DPYD: variants seen among roughly 807,000 people sequenced by gnomAD.
DPYD encodes the protein dihydropyrimidine dehydrogenase, also known as dihydropyrimidine dehydrogenase [NADP(+)].
In DPYD, 109 loss-of-function variants were observed where a neutral mutation model predicts 116.2. The observed-to-expected ratio is 0.94, with a 90% CI of 0.80 to 1.10. DPYD has a LOEUF of 1.10. Among genes scored for constraint, DPYD ranks in the 50% least tolerant of loss-of-function variants. The pLI is 0.00. For synonymous variants in DPYD, 440 were observed against 432.0 expected (o/e 1.02, Z -0.23); for missense variants, 1,302 against 1,254.5 (o/e 1.04, Z -0.57).
intron 8 of DPYD, among the ~76,000 whole-genome samples, chr1:97,619,606 G>C (rs1309472769): frequency 3.3e-5 from 5 of 152,190 alleles, no homozygotes; most frequent in African/African-American, 1.2e-4. Context: ...TAATGTTAAC[G>C]ACCATTGCTT....
intron 20 of DPYD, among the ~76,000 whole-genome samples, chr1:97,170,186 C>T (rs1215446396): frequency 6.6e-6 from 1 of 152,168 alleles, no homozygotes; most frequent in Non-Finnish European, 1.5e-5. Flanking sequence ...GAACTGCATA[C>T]ATTACAATGC....
intron 8 of DPYD, among the ~76,000 whole-genome samples, chr1:97,652,469 C>T (rs1473939078): frequency 6.6e-6 from 1 of 152,130 alleles, no homozygotes; most frequent in Non-Finnish European, 1.5e-5. Flanking sequence ...AGGTATAGTG[C>T]TAATAACTTT....
chr1:97,102,391 A>G (rs1650759766), intron 20 of DPYD, among the ~76,000 whole-genome samples: 1 of 121,098 alleles, frequency 8.3e-6, no homozygotes, highest in South Asian at 2.7e-4. Flanking sequence ...TATATCACTC[A>G]GTATCATATA....
intron 15 of DPYD, among the ~76,000 whole-genome samples, chr1:97,379,388 T>C (rs1489355075): frequency 1.3e-5 from 2 of 152,320 alleles, no homozygotes; most frequent in Admixed American, 1.3e-4. Context: ...TAGTTAAACT[T>C]GGTAATGATG....
chr1:97,700,690 A>T (rs1263924786), intron 5 of DPYD, among the ~76,000 whole-genome samples: 1 of 152,084 alleles, frequency 6.6e-6, no homozygotes, highest in East Asian at 1.9e-4. Flanking sequence ...CTGCAAGAAA[A>T]ATAAACCTAA....
chr1:97,241,361 T>C (rs1390835594), intron 18 of DPYD, among the ~76,000 whole-genome samples: 8 of 152,006 alleles, frequency 5.3e-5, no homozygotes, highest in Non-Finnish European at 1.2e-4. Flanking sequence ...GGGCTTCATG[T>C]ACACTGTGTA....
chr1:97,134,034 T>A (rs1366292005), intron 20 of DPYD, among the ~76,000 whole-genome samples: 1,606 of 28,228 alleles, frequency 0.057, 224 homozygotes, highest in East Asian at 0.15. Flanking sequence ...TATATATATA[T>A]ATATATATAT....
intron 3 of DPYD, among the ~76,000 whole-genome samples, chr1:97,795,207 A>T (rs1475730215): frequency 6.6e-6 from 1 of 152,038 alleles, no homozygotes; most frequent in Non-Finnish European, 1.5e-5. Flanking sequence ...ATGAGAAAAT[A>T]ATTATTTTTA....
At chr1:97,236,739 C>T (rs72726647) in intron 18 of DPYD, among the ~76,000 whole-genome samples, 3 of 152,124 alleles carry the variant, frequency 2.0e-5, no homozygotes, top group Non-Finnish European at 2.9e-5. Context: ...TTGTAAAGTT[C>T]GGACTTTGGG....
At chr1:97,171,003 C>CAGACT (rs1178548902) in intron 20 of DPYD, among the ~76,000 whole-genome samples, 5 of 152,062 alleles carry the variant, frequency 3.3e-5, no homozygotes, top group African/African-American at 1.2e-4. Context: ...ACATAATCAA[C>CAGACT]AGACTAGAAA....
intron 8 of DPYD, among the ~76,000 whole-genome samples, chr1:97,660,306 GATAA>G (rs1659174251): frequency 6.6e-6 from 1 of 151,836 alleles, no homozygotes; most frequent in African/African-American, 2.4e-5. Flanking sequence ...ATATCCATTT[GATAA>G]ATAATCACTA....
At chr1:97,333,989 C>T (rs7555294) in intron 16 of DPYD, among the ~76,000 whole-genome samples, 30,547 of 152,038 alleles carry the variant, frequency 0.2, 3,153 homozygotes, top group South Asian at 0.31. Flanking sequence ...TCAGAATTTA[C>T]GTTAATAGCA....
At chr1:97,508,157 A>T (rs1647490551) in intron 13 of DPYD, among the ~76,000 whole-genome samples, 1 of 152,044 alleles carries the variant, frequency 6.6e-6, no homozygotes, top group African/African-American at 2.4e-5. Flanking sequence ...AGAGCATGGC[A>T]ATTTCATATG....
At chr1:97,689,777 C>A (rs1013706793) in intron 7 of DPYD, among the ~76,000 whole-genome samples, 1 of 151,934 alleles carries the variant, frequency 6.6e-6, no homozygotes, top group East Asian at 1.9e-4. Flanking sequence ...GGCTAAAGTT[C>A]GTAAATCATA....
At chr1:97,278,870 T>C (rs1016112119) in intron 18 of DPYD, among the ~76,000 whole-genome samples, 1 of 152,134 alleles carries the variant, frequency 6.6e-6, no homozygotes, top group Non-Finnish European at 1.5e-5. Flanking sequence ...CTAACACATA[T>C]ATACATAAAT....
At chr1:97,682,734 GTTTC>G (rs1660492703) in intron 7 of DPYD, among the ~76,000 whole-genome samples, 6 of 151,888 alleles carry the variant, frequency 4.0e-5, no homozygotes, top group Admixed American at 3.9e-4. Context: ...TGGTGTTTTT[GTTTC>G]TTTATTCCTT....
chr1:97,699,736 C>T (rs774208770), intron 5 of DPYD, among the ~76,000 whole-genome samples, 189 bp from the exon 6 acceptor site: 2 of 151,984 alleles, frequency 1.3e-5, no homozygotes, highest in African/African-American at 2.4e-5. Flanking sequence ...TTCAGTCTTT[C>T]CTTTCTAGAG....
intron 2 of DPYD, among the ~76,000 whole-genome samples, chr1:97,854,026 G>A (rs185878044): frequency 5.3e-5 from 8 of 152,204 alleles, no homozygotes; most frequent in Admixed American, 3.9e-4. Context: ...TCACACATTT[G>A]ACTGCTGATT....
At chr1:97,597,099 T>C (rs1298684543) in intron 8 of DPYD, among the ~76,000 whole-genome samples, 1 of 152,212 alleles carries the variant, frequency 6.6e-6, no homozygotes, top group East Asian at 1.9e-4. Flanking sequence ...CTGAATATGT[T>C]CTTGAAGGCT....
Sources: allele counts gnomAD v4.1 joint callset (sites outside exome capture counted in the v4.1 genomes callset), GRCh38; gene constraint gnomAD v4.1.1; transcripts MANE v1.5; gene names NCBI Gene and HGNC (gene_info 2026-07-23, HGNC 2026-07-21).